Variants in JAK1 observed in about 807,000 individuals in gnomAD.
JAK1 encodes the protein tyrosine-protein kinase JAK1.
A neutral mutation model predicts 136.6 loss-of-function variants in JAK1; 16 were observed. The ratio of observed to expected loss-of-function variants is 0.12; its 90% CI spans 0.08 to 0.18. The LOEUF (loss-of-function observed/expected upper bound fraction) is 0.18. Ranked by LOEUF, JAK1 falls within the 10% of genes least tolerant of loss-of-function variation. The pLI, the probability that JAK1 is intolerant of heterozygous loss-of-function variation, is 1.00. For synonymous variants in JAK1, 492 were observed against 519.5 expected (o/e 0.95, Z 0.72); for missense variants, 859 against 1,450.1 (o/e 0.59, Z 6.62).
At chr1:64,894,605 C>CA (rs563468996) in intron 1 of JAK1, among the ~76,000 whole-genome samples, 1 of 151,620 alleles carries the variant, frequency 6.6e-6, no homozygotes, top group South Asian at 2.1e-4. Flanking sequence ...CTAAAAAAAA[C>CA]AAAAAACAAA....
At chr1:64,918,426 T>C (rs1645436515) in intron 1 of JAK1, 1 of 152,342 alleles carries the variant, frequency 6.6e-6, no homozygotes. Flanking sequence ...TTAAATCAGA[T>C]GCCCTTGCTG....
At chr1:64,967,060 GA>G (rs202230651), upstream of JAK1, among the ~76,000 whole-genome samples, 74 of 139,852 alleles carry the variant, frequency 5.3e-4, no homozygotes, top group East Asian at 8.2e-4. Flanking sequence ...AGCTCTTTAC[GA>G]AAAAAAAAAA....
chr1:64,984,822 T>C lies in JAK1; in HGVS notation c.-78+59658A>G, dbSNP rs1279884642. 7 of 1,120,946 alleles carry C rather than the reference T, an allele frequency of 6.2e-6. No individual in the cohort carries two copies. The highest frequency in any genetic ancestry group is 1.9e-5 in the Admixed American group (1 of 52,712). The allele number at this position is 1,120,946 out of a possible 1,614,324, so 69.4% of individuals were successfully genotyped here. A position where few individuals can be genotyped will look rare whatever the true frequency, so the allele number is the denominator to read the frequency against. On this transcript the variant is annotated intron_variant, in intron 2 of 25. Transcript: ENST00000671954. The surrounding 1 kb of genome is among the most constrained non-coding windows in gnomAD (Gnocchi z 4.1). ...AATAAAAACGTAGGCTCCTAAATAG[T>C]AAGCAGCAGAAGGGAAAAGCAATCT...
At position 64,839,852 on chromosome 1, in the gene JAK1, C is replaced by A. The variant is rs1036752912; in HGVS notation, c.2650-57G>T. The A allele has an allele frequency of 4.2e-6, 6 of 1,429,668 alleles. No homozygotes were observed. The South Asian group carries it at 8.1e-5, about 19-fold the overall frequency. 88.6% of individuals were successfully genotyped at this position (1,429,668 alleles called of 1,614,324 possible). A position where few individuals can be genotyped will look rare whatever the true frequency, so the allele number is the denominator to read the frequency against. ...GGAAGCCCCATCGTAGGCCACGGAACACACAGAAGTCTTGCTCCTCACAGC... is the reference window on the plus strand; with the variant it reads ...GGAAGCCCCATCGTAGGCCACGGAAAACACAGAAGTCTTGCTCCTCACAGC... On this transcript the variant is annotated intron_variant, in intron 19 of 24. Transcript: ENST00000342505.
intron 2 of JAK1, among the ~76,000 whole-genome samples, chr1:65,007,606 G>T (rs756589552): frequency 1.3e-5 from 2 of 152,006 alleles, no homozygotes; most frequent in African/African-American, 4.8e-5. Context: ...GACTACAGGC[G>T]CATGCCACCA....
intron 1 of JAK1, among the ~76,000 whole-genome samples, chr1:64,917,205 C>T (rs1190981246): frequency 6.6e-6 from 1 of 152,122 alleles, no homozygotes; most frequent in Non-Finnish European, 1.5e-5. Context: ...GGCTTTTTAA[C>T]AGCTGCACCA....
chr1:64,888,097 TG>T (rs1279891778), intron 1 of JAK1, among the ~76,000 whole-genome samples: 3 of 152,222 alleles, frequency 2.0e-5, no homozygotes, highest in Non-Finnish European at 4.4e-5. Flanking sequence ...GGAAGAGAAC[TG>T]TAAGTTCCAC....
At chr1:64,968,175 C>T (rs576765957), upstream of JAK1, among the ~76,000 whole-genome samples, 3 of 152,132 alleles carry the variant, frequency 2.0e-5, no homozygotes, top group East Asian at 3.9e-4. Flanking sequence ...AGCAGTGAAC[C>T]CATTGTGCCC....
At chr1:64,882,802 C>T (rs310203) in intron 3 of JAK1, among the ~76,000 whole-genome samples, 91 of 152,306 alleles carry the variant, frequency 6.0e-4, no homozygotes, top group Non-Finnish European at 1.1e-3. Flanking sequence ...CTCAGCACCA[C>T]GCATGGGAGG....
chr1:65,050,009 A>C (rs750659564), intron 1 of JAK1, among the ~76,000 whole-genome samples: 11 of 152,090 alleles, frequency 7.2e-5, no homozygotes, highest in Non-Finnish European at 1.0e-4. Context: ...CTGAAATGAC[A>C]CCTTTTGAAA....
intron 1 of JAK1, among the ~76,000 whole-genome samples, chr1:64,886,550 A>G (rs1644855205): frequency 1.3e-5 from 2 of 152,130 alleles, no homozygotes; most frequent in African/African-American, 2.4e-5. Context: ...ATCAAAGAGG[A>G]TACTAACTTC....
At chr1:64,859,995 T>G in intron 9 of JAK1, 110 bp downstream of exon 9, 3 of 913,316 alleles carry the variant, frequency 3.3e-6, no homozygotes, top group Non-Finnish European at 3.1e-6. Context: ...AGCCAACAAG[T>G]ACCAGGCAGC....
intron 1 of JAK1, among the ~76,000 whole-genome samples, chr1:64,924,599 C>T (rs552181245): frequency 8.9e-4 from 135 of 152,266 alleles, no homozygotes; most frequent in Non-Finnish European, 1.5e-3. Flanking sequence ...CTATGTGTGG[C>T]TCCTAAGCAG....
chr1:64,987,925 C>G (rs1172621565), intron 2 of JAK1, among the ~76,000 whole-genome samples: 1 of 152,144 alleles, frequency 6.6e-6, no homozygotes, highest in Non-Finnish European at 1.5e-5. Context: ...GATGCTGTAT[C>G]TTGACTTTTC....
At chr1:65,038,356 G>A (rs534405864) in intron 2 of JAK1, among the ~76,000 whole-genome samples, 97 of 149,720 alleles carry the variant, frequency 6.5e-4, no homozygotes, top group African/African-American at 2.0e-3. Flanking sequence ...GTGCCACCAC[G>A]CCCAGCTAAT....
chr1:65,042,753 A>T (rs2100839024), intron 2 of JAK1, among the ~76,000 whole-genome samples: 1 of 152,330 alleles, frequency 6.6e-6, no homozygotes, highest in East Asian at 1.9e-4. Context: ...TCTACAGAGA[A>T]CTAAACTGAG....
intron 2 of JAK1, among the ~76,000 whole-genome samples, chr1:65,028,134 G>C (rs569350601): frequency 5.9e-5 from 9 of 152,032 alleles, no homozygotes; most frequent in Admixed American, 2.0e-4. Flanking sequence ...CCTTTGCCTG[G>C]AACGCTTTTC....
intron 2 of JAK1, among the ~76,000 whole-genome samples, chr1:65,021,522 G>A (rs557985889): frequency 2.2e-4 from 34 of 152,258 alleles, no homozygotes; most frequent in Admixed American, 8.5e-4. Context: ...ACTTCGTTGC[G>A]TGTAGGATAT....
intron 4 of JAK1, among the ~76,000 whole-genome samples, chr1:64,876,928 C>A (rs1173498319): frequency 6.6e-6 from 1 of 152,178 alleles, no homozygotes; most frequent in Non-Finnish European, 1.5e-5. Context: ...TTATACACAA[C>A]AAACTCTCTT....
Sources: allele counts gnomAD v4.1 joint callset (sites outside exome capture counted in the v4.1 genomes callset), GRCh38; gene constraint gnomAD v4.1.1; non-coding constraint Gnocchi (gnomAD v3.1); transcripts MANE v1.5; gene names NCBI Gene and HGNC (gene_info 2026-07-23, HGNC 2026-07-21).